The following PPM1A variants were observed in gnomAD, a reference collection of about 807,000 sequenced individuals.
PPM1A encodes the protein protein phosphatase, Mg2+/Mn2+ dependent 1A.
Under a neutral mutation model 35.0 loss-of-function variants are expected in PPM1A, and 7 were observed. That is an observed-to-expected ratio of 0.20 (90% CI 0.11 to 0.38). PPM1A has a LOEUF of 0.38. Ranked by LOEUF, PPM1A falls within the 10% of genes least tolerant of loss-of-function variation. The pLI is 1.00. For synonymous variants in PPM1A, 153 were observed against 167.3 expected, an observed-to-expected ratio of 0.91 and a Z score of 0.66; for missense variants, 239 against 467.8, an observed-to-expected ratio of 0.51 and a Z score of 4.51.
Position 60,289,859 on chromosome 14 carries a change from A to G in PPM1A, c.1006A>G (p.Thr336Ala), listed in dbSNP as rs1178248611. 6.3e-7 allele frequency: 1 copy of G among 1,595,562 alleles called. No individual in the cohort carries two copies. Among genetic ancestry groups the G allele is most frequent in the Admixed American group, 1.8e-5 (1 of 54,212 alleles). Reference protein sequence around the residue: ...GVPDLVHVMRTLASENIPSLP... With the variant: ...GVPDLVHVMRALASENIPSLP... ...CCCCGACTTAGTCCATGTGATGCGCACATTAGCGAGTGAGAACATCCCCAG... is the reference window on the plus strand; with the variant it reads ...CCCCGACTTAGTCCATGTGATGCGCGCATTAGCGAGTGAGAACATCCCCAG... Residue 336 changes from threonine (T) to alanine (A), a missense_variant, in exon 4 of 6, where the codon ACA becomes GCA. Thr to Ala is a moderately conservative substitution (Grantham distance 58). Around this residue, in one of 2 missense-constraint regions of PPM1A, gnomAD observed 64 missense variants for 78.6 expected, o/e 0.81. Coordinates refer to ENST00000395076, the MANE Select transcript of PPM1A (RefSeq NM_021003.5). This position sits in a 1 kb window ranked among gnomAD's most constrained non-coding sequence, Gnocchi z 4.1.
rs1887865016 is a variant in PPM1A, at chr14:60,293,950, T to G, written c.*1468T>G. On this transcript the variant is annotated 3_prime_UTR_variant, in exon 6 of 6. Coordinates refer to ENST00000395076, the MANE Select transcript of PPM1A (RefSeq NM_021003.5). This position sits in a 1 kb window ranked among gnomAD's most constrained non-coding sequence, Gnocchi z 4.0. ...ATTACTGTTCCGTGCCCTTCTGTAT[T>G]TTTGTCTCTTTAGGTTGAATATTGT... 6.6e-6 allele frequency: 1 copy of G among 151,920 alleles called. No individual in the cohort carries two copies. The highest frequency in any genetic ancestry group is 1.5e-5 in the Non-Finnish European group (1 of 67,876). 9.4% of individuals were successfully genotyped at this position (151,920 alleles called of 1,614,324 possible).
chr14:60,285,258 A>G (rs1462019675), intron 2 of PPM1A, among the ~76,000 whole-genome samples: 2 of 152,252 alleles, frequency 1.3e-5, no homozygotes. Context: ...GTTGTATGGA[A>G]GGAGTGTGTG....
At chr14:60,288,496 A>G (rs527345937) in intron 3 of PPM1A, 100 of 984,402 alleles carry the variant, frequency 1.0e-4, no homozygotes, top group Middle Eastern at 5.2e-4. Context: ...CATTAGAACC[A>G]TGTAGAACAA....
chr14:60,271,895 TTCTCAGAAC>T, intron 1 of PPM1A, among the ~76,000 whole-genome samples: 1 of 152,322 alleles, frequency 6.6e-6, no homozygotes, highest in South Asian at 2.1e-4. Flanking sequence ...TTTTATACAT[TTCTCAGAAC>T]AAGGTAATTG....
chr14:60,279,648 G>T (rs73317834), intron 1 of PPM1A, among the ~76,000 whole-genome samples: 1,940 of 152,190 alleles, frequency 0.013, 47 homozygotes, highest in African/African-American at 0.045. Context: ...AACTCCTATC[G>T]GCACTCTAGG....
chr14:60,265,729 C>G (rs1566579993), intron 1 of PPM1A, among the ~76,000 whole-genome samples: 1 of 152,006 alleles, frequency 6.6e-6, no homozygotes, highest in Non-Finnish European at 1.5e-5. Flanking sequence ...CTGGTGAGGG[C>G]CTTCTTGCCA....
At chr14:60,253,817 A>G (rs566827732) in intron 1 of PPM1A, among the ~76,000 whole-genome samples, 51 of 152,266 alleles carry the variant, frequency 3.3e-4, no homozygotes, top group African/African-American at 1.1e-3. Flanking sequence ...AATGTTTCTG[A>G]ACAGATGTAA....
intron 4 of PPM1A, 85 bp from the exon 5 acceptor site, chr14:60,291,311 GA>G (rs1887607849): frequency 1.3e-5 from 12 of 941,454 alleles, no homozygotes; most frequent in Middle Eastern, 2.3e-4. Flanking sequence ...GATTATCTTA[GA>G]AATTTTAATA....
chr14:60,258,729 C>A (rs2139365397), intron 1 of PPM1A, among the ~76,000 whole-genome samples: 1 of 152,014 alleles, frequency 6.6e-6, no homozygotes, highest in African/African-American at 2.4e-5. Context: ...AATACTTTTT[C>A]CTGCATAGAA....
chr14:60,252,597 A>G (rs1452134058), intron 1 of PPM1A, among the ~76,000 whole-genome samples: 1 of 152,216 alleles, frequency 6.6e-6, no homozygotes, highest in Non-Finnish European at 1.5e-5. Context: ...TTATGTCACA[A>G]TATGTCCTGT....
Position 60,291,090 on chromosome 14 carries a change from A to G in PPM1A, c.1062-307A>G, listed in dbSNP as rs1022870871. On this transcript the variant is annotated intron_variant, in intron 4 of 5. Transcript: ENST00000395076. ...AGAATGGCATTGCCATTGATGACTC[A>G]TAACCATTTAAACCAATTCAAATGG... 7.9e-5 allele frequency among the ~76,000 whole-genome samples: 12 copies of G among 152,164 alleles called. No homozygotes were observed. In the East Asian group the frequency reaches 1.5e-3, roughly 20 times the overall value.
rs1887437982 is a variant in PPM1A, at chr14:60,289,811, A to G, written c.958A>G (p.Ile320Val). 1 of 1,608,362 alleles carries G rather than the reference A, an allele frequency of 6.2e-7. No homozygotes were observed. Among genetic ancestry groups the G allele is most frequent in the South Asian group, 1.1e-5 (1 of 90,404 alleles). The change falls in exon 4 of 6, where the codon ATA (isoleucine) becomes GTA (valine). Residue 320 changes from isoleucine (I) to valine (V), a missense_variant. Physicochemically the swap from Ile to Val is conservative, Grantham distance 29 (BLOSUM62 3). Coordinates refer to ENST00000395076, the MANE Select transcript of PPM1A (RefSeq NM_021003.5). The surrounding 1 kb of genome is among the most constrained non-coding windows in gnomAD (Gnocchi z 4.1). The stretch of plus-strand genomic sequence containing the variant: ...AAAGTACTTCTGATTCCCAGAAATC[A>G]TAAAGAAGCAGGGGGAAGGCGTCCC... Reference protein sequence around the residue: ...KYLECRVEEIIKKQGEGVPDL... With the variant: ...KYLECRVEEIVKKQGEGVPDL...
intron 1 of PPM1A, among the ~76,000 whole-genome samples, chr14:60,265,127 A>G (rs1272840298): frequency 6.6e-6 from 1 of 152,140 alleles, no homozygotes; most frequent in Non-Finnish European, 1.5e-5. Flanking sequence ...ACATCTTTAT[A>G]TTGGAGGCTT....
rs766675296 is a variant in PPM1A, at chr14:60,292,823, TC to T, written c.*342del. 1.0e-5 allele frequency: 2 copies of T among 197,032 alleles called. No individual in the cohort carries two copies. The highest frequency in any genetic ancestry group is 2.1e-5 in the Non-Finnish European group (2 of 97,254). The allele number at this position is 197,032 out of a possible 1,614,324, so 12.2% of individuals were successfully genotyped here. ...AATTATGAACTGCTTTAAATCACTATCAAAGTTACAAGAAATGTTTGGCTTA... is the reference window on the plus strand; with the variant it reads ...AATTATGAACTGCTTTAAATCACTATAAAGTTACAAGAAATGTTTGGCTTA... On this transcript the variant is annotated 3_prime_UTR_variant, in exon 6 of 6. Coordinates refer to ENST00000395076, the MANE Select transcript of PPM1A (RefSeq NM_021003.5). The surrounding 1 kb of genome is among the most constrained non-coding windows in gnomAD (Gnocchi z 4.2).
In PPM1A at chr14:60,273,722, T is replaced by C. The variant is rs148078816; in HGVS notation, c.-20-8962T>C. Among the ~76,000 whole-genome samples, 240 of 152,248 alleles carry C rather than the reference T, an allele frequency of 1.6e-3. No homozygotes were observed. The highest frequency in any genetic ancestry group is 5.3e-3 in the African/African-American group (221 of 41,520). Reference sequence around the variant, plus strand: ...TGATGGTAACTTGAGACCAGGGCATTGGTAGAAAAAAGTGGACAGATTTGA... The same window carrying C: ...TGATGGTAACTTGAGACCAGGGCATCGGTAGAAAAAAGTGGACAGATTTGA... On this transcript the variant is annotated intron_variant, in intron 1 of 5. Coordinates refer to ENST00000395076, the MANE Select transcript of PPM1A (RefSeq NM_021003.5). This position sits in a 1 kb window ranked among gnomAD's most constrained non-coding sequence, Gnocchi z 4.3.
upstream of PPM1A, chr14:60,249,109 T>A (rs1881997504): frequency 9.1e-6 from 5 of 548,048 alleles, no homozygotes; most frequent in Admixed American, 3.2e-4. The surrounding 1 kb of genome is among the most constrained non-coding windows in gnomAD (Gnocchi z 4.5). Context: ...CGGGTCTCTG[T>A]AGCTGCGCGC....
chr14:60,283,855 C>T lies in PPM1A; in HGVS notation c.834+318C>T, dbSNP rs1361901753. On this transcript the variant is annotated intron_variant, in intron 2 of 5. Transcript: ENST00000395076. The surrounding 1 kb of genome is among the most constrained non-coding windows in gnomAD (Gnocchi z 6.3). ...AAAGAGGGTGGGGAGGGTTAGGCCT[C>T]AGTGTCTATAAATGAAAAGCATTTT... Among the ~76,000 whole-genome samples the T allele has an allele frequency of 6.6e-6, 1 of 152,174 alleles. No individual in the cohort carries two copies. Among genetic ancestry groups the T allele is most frequent in the Admixed American group, 6.5e-5 (1 of 15,276 alleles).
intron 1 of PPM1A, among the ~76,000 whole-genome samples, chr14:60,259,104 T>C (rs1014973848): frequency 6.6e-6 from 1 of 152,094 alleles, no homozygotes; most frequent in Non-Finnish European, 1.5e-5. Context: ...AAGGTTTTTT[T>C]CTCTCTTTCC....
chr14:60,255,201 T>G (rs950396627), intron 1 of PPM1A, among the ~76,000 whole-genome samples: 3 of 140,452 alleles, frequency 2.1e-5, no homozygotes, highest in African/African-American at 8.8e-5. Context: ...AGACAGAGTC[T>G]CGCTCTGTCG....
Sources: gnomAD v4.1 joint callset for allele counts (sites outside exome capture counted in the v4.1 genomes callset) on GRCh38, gnomAD v4.1.1 for gene constraint, gnomAD v4.1.1 regional missense constraint, Gnocchi (gnomAD v3.1) non-coding constraint, MANE v1.5 for transcripts, NCBI Gene and HGNC (gene_info 2026-07-23, HGNC 2026-07-21) for gene names.